The following MMP24 variants were observed in gnomAD, a reference collection of about 807,000 sequenced individuals.
MMP24 encodes the protein matrix metallopeptidase 24, also known as matrix metalloproteinase-24.
A neutral mutation model predicts 62.8 loss-of-function variants in MMP24; 25 were observed. The ratio of observed to expected loss-of-function variants is 0.40; its 90% CI spans 0.29 to 0.56. The LOEUF (loss-of-function observed/expected upper bound fraction) is 0.56, where lower values mean the gene tolerates loss of function less well. Among genes scored for constraint, MMP24 ranks in the 20% least tolerant of loss-of-function variants. The pLI is 0.50. For missense variants in MMP24, 634 were observed against 853.6 expected (o/e 0.74, Z 3.21); for synonymous variants, 319 against 350.5 (o/e 0.91, Z 1.00).
rs866175166 is a variant in MMP24, at chr20:35,271,052, G to C, written c.1334-517G>C. ...CCAAACTCCATCTTAAAAAAAAGAAGTGGCTGAATACTGAGAGGAGAAGGA... is the reference window on the plus strand; with the variant it reads ...CCAAACTCCATCTTAAAAAAAAGAACTGGCTGAATACTGAGAGGAGAAGGA... On this transcript the variant is annotated intron_variant, in intron 7 of 8. Coordinates refer to ENST00000246186, the MANE Select transcript of MMP24 (RefSeq NM_006690.4). This position sits in a 1 kb window ranked among gnomAD's most constrained non-coding sequence, Gnocchi z 4.0. 1.2e-4 allele frequency among the ~76,000 whole-genome samples: 18 copies of C among 151,918 alleles called. No individual in the cohort carries two copies. The highest frequency in any genetic ancestry group is 4.4e-4 in the African/African-American group (18 of 41,246).
Position 35,247,073 on chromosome 20 carries a change from T to G in MMP24, c.395+85T>G, listed in dbSNP as rs1028729357. On this transcript the variant is annotated intron_variant, in intron 2 of 8. Transcript: ENST00000246186. ...TTTGTCATGGCCTGTGTACACCCCA[T>G]GCCCATCCTCCCTTCCTATCTTTTA... 5.5e-5 allele frequency: 81 copies of G among 1,468,156 alleles called. No homozygotes were observed. The East Asian group carries it at 1.8e-3, about 33-fold the overall frequency. The allele number at this position is 1,468,156 out of a possible 1,614,324, so 90.9% of individuals were successfully genotyped here.
chr20:35,274,578 A>C lies in MMP24; in HGVS notation c.1907A>C (p.Tyr636Ser). The change falls in exon 9 of 9, where the codon TAC (tyrosine) becomes TCC (serine). Residue 636 changes from tyrosine to serine, a missense_variant. This residue lies in a region of MMP24 where 399 missense variants were observed against 530.8 expected (regional missense o/e 0.75). Transcript: ENST00000246186. This position sits in a 1 kb window ranked among gnomAD's most constrained non-coding sequence, Gnocchi z 5.1. ...KNKTGPQPVT[Y>S]YKRPVQEWV The stretch of plus-strand genomic sequence containing the variant: ...AAGACAGGCCCTCAGCCTGTCACCT[A>C]CTATAAGCGGCCAGTCCAGGAATGG... 6.2e-7 allele frequency: 1 copy of C among 1,613,490 alleles called. No individual in the cohort carries two copies. The highest frequency in any genetic ancestry group is 8.5e-7 in the Non-Finnish European group (1 of 1,179,658).
intron 1 of MMP24, 80 bp from the exon 2 acceptor site, chr20:35,246,760 G>C: frequency 6.6e-7 from 1 of 1,520,220 alleles, no homozygotes; most frequent in Non-Finnish European, 9.1e-7. Context: ...ATGATCCCTC[G>C]TGTTCAAGGC....
At chr20:35,262,592 G>GGA (rs1456085443) in intron 4 of MMP24, 1 of 149,204 alleles carries the variant, frequency 6.7e-6, no homozygotes, top group Non-Finnish European at 1.5e-5. Flanking sequence ...GGGACGGGCA[G>GGA]GAGACAGATG....
chr20:35,238,894 G>T (rs2060475660), intron 1 of MMP24, among the ~76,000 whole-genome samples: 1 of 152,022 alleles, frequency 6.6e-6, no homozygotes, highest in Non-Finnish European at 1.5e-5. Context: ...TGCTGTTTTT[G>T]GTTTTTGTTT....
In MMP24 at chr20:35,276,599, T is replaced by G; in HGVS notation, c.*1990T>G. ...CTCTTCCTGGCCTCCCTTCCCCCAC[T>G]TCCTGGTCCCTGTCCACTCCTCAGG... On this transcript the variant is annotated 3_prime_UTR_variant, in exon 9 of 9. Coordinates refer to ENST00000246186, the MANE Select transcript of MMP24 (RefSeq NM_006690.4). 5 of 260,730 alleles carry G rather than the reference T, an allele frequency of 1.9e-5. No individual in the cohort carries two copies. Among genetic ancestry groups the G allele is most frequent in the East Asian group, 6.6e-5 (1 of 15,144 alleles). 16.2% of individuals were successfully genotyped at this position (260,730 alleles called of 1,614,324 possible).
At chr20:35,240,145 C>A (rs1223746091) in intron 1 of MMP24, among the ~76,000 whole-genome samples, 1 of 152,184 alleles carries the variant, frequency 6.6e-6, no homozygotes, top group African/African-American at 2.4e-5. Context: ...ATTGCCACTT[C>A]TAACCTCACC....
chr20:35,246,097 G>A (rs2060512934), intron 1 of MMP24, among the ~76,000 whole-genome samples: 2 of 151,890 alleles, frequency 1.3e-5, no homozygotes, highest in African/African-American at 4.8e-5. Context: ...ATCAGGCTTT[G>A]ACAGCAGACA....
intron 1 of MMP24, among the ~76,000 whole-genome samples, chr20:35,240,048 C>G (rs138324771): frequency 1.3e-5 from 2 of 152,148 alleles, no homozygotes; most frequent in Non-Finnish European, 2.9e-5. Flanking sequence ...TCTGACCGTA[C>G]GGAATATGCC....
chr20:35,260,772 A>C (rs2060598533), intron 4 of MMP24, among the ~76,000 whole-genome samples: 1 of 152,206 alleles, frequency 6.6e-6, no homozygotes, highest in Non-Finnish European at 1.5e-5. Flanking sequence ...AGGTGGCTTC[A>C]CAGAAGACAC....
chr20:35,233,590 C>G (rs536945597), intron 1 of MMP24, among the ~76,000 whole-genome samples: 2 of 152,218 alleles, frequency 1.3e-5, no homozygotes, highest in African/African-American at 4.8e-5. Context: ...AATCTGATCA[C>G]CTTACTCCCA....
intron 1 of MMP24, among the ~76,000 whole-genome samples, chr20:35,235,843 C>T (rs1387751296): frequency 6.6e-6 from 1 of 152,058 alleles, no homozygotes; most frequent in Non-Finnish European, 1.5e-5. Flanking sequence ...GGGCCTTGGA[C>T]AGGGTGAGGA....
intron 6 of MMP24, among the ~76,000 whole-genome samples, chr20:35,268,261 A>G (rs1055415845): frequency 6.6e-6 from 1 of 152,222 alleles, no homozygotes; most frequent in African/African-American, 2.4e-5. Context: ...AGCAGGGAAC[A>G]TCCCCAAAGG....
chr20:35,255,896 C>A (rs2060572250), intron 4 of MMP24: 1 of 152,234 alleles, frequency 6.6e-6, no homozygotes, highest in African/African-American at 2.4e-5. Context: ...GGCATGATCT[C>A]TGTCCCCTGG....
chr20:35,274,135 C>T lies in MMP24; in HGVS notation c.1601-137C>T. ...GCAGCTTCTTACTCCATGACTCAGC[C>T]AAGCACTGCACCCCAAACCTCCAGG... On this transcript the variant is annotated intron_variant, in intron 8 of 8. Transcript: ENST00000246186. This position sits in a 1 kb window ranked among gnomAD's most constrained non-coding sequence, Gnocchi z 5.1. The T allele has an allele frequency of 1.2e-6, 1 of 820,966 alleles. No homozygotes were observed. Among genetic ancestry groups the T allele is most frequent in the Non-Finnish European group, 1.9e-6 (1 of 528,110 alleles). 50.9% of individuals were successfully genotyped at this position (820,966 alleles called of 1,614,324 possible). A position where few individuals can be genotyped will look rare whatever the true frequency, so the allele number is the denominator to read the frequency against.
intron 1 of MMP24, among the ~76,000 whole-genome samples, chr20:35,245,571 C>T (rs2060510306): frequency 6.6e-6 from 1 of 151,890 alleles, no homozygotes; most frequent in Non-Finnish European, 1.5e-5. Flanking sequence ...GCCTTAGCCT[C>T]CTGAGTAGCT....
chr20:35,233,572 C>T (rs1284514786), intron 1 of MMP24, among the ~76,000 whole-genome samples: 1 of 152,036 alleles, frequency 6.6e-6, no homozygotes, highest in African/African-American at 2.4e-5. Flanking sequence ...AAATTAAAAA[C>T]AAACCAAAAT....
At chr20:35,255,608 CA>C (rs1186498361) in intron 4 of MMP24, among the ~76,000 whole-genome samples, 1 of 152,168 alleles carries the variant, frequency 6.6e-6, no homozygotes, top group Non-Finnish European at 1.5e-5. Context: ...AAAAATTCAT[CA>C]TCAATATTTA....
Position 35,275,912 on chromosome 20 carries a change from A to T in MMP24, c.*1303A>T. ...CACTGGCCCGCCCTTCACTGTCTCC[A>T]GCAGGAGTTCCTAGGGCTTGGCCTG... On this transcript the variant is annotated 3_prime_UTR_variant, in exon 9 of 9. Coordinates refer to ENST00000246186, the MANE Select transcript of MMP24 (RefSeq NM_006690.4). 1 of 398,050 alleles carries T rather than the reference A, an allele frequency of 2.5e-6. No homozygotes were observed. The highest frequency in any genetic ancestry group is 4.4e-6 in the Non-Finnish European group (1 of 226,036). The allele number at this position is 398,050 out of a possible 1,614,324, so 24.7% of individuals were successfully genotyped here.
Sources: gnomAD v4.1 joint callset for allele counts (sites outside exome capture counted in the v4.1 genomes callset) on GRCh38, gnomAD v4.1.1 for gene constraint, gnomAD v4.1.1 regional missense constraint, Gnocchi (gnomAD v3.1) non-coding constraint, MANE v1.5 for transcripts, NCBI Gene and HGNC (gene_info 2026-07-23, HGNC 2026-07-21) for gene names.